The following TMEM117 variants were observed in gnomAD, a reference collection of about 807,000 sequenced individuals.
TMEM117 encodes the protein transmembrane protein 117.
TMEM117 carries 27 observed loss-of-function variants against 52.4 expected under a neutral mutation model. That is an observed-to-expected ratio of 0.51 (90% confidence interval 0.38 to 0.71). TMEM117 has a LOEUF of 0.71. Among genes scored for constraint, TMEM117 ranks in the 30% least tolerant of loss-of-function variants. The pLI is 0.00. For missense variants in TMEM117, 556 were observed against 630.5 expected (o/e 0.88, Z 1.26); for synonymous variants, 215 against 206.3 (o/e 1.04, Z -0.36).
At chr12:44,343,317 A>G (rs1425707937) in intron 6 of TMEM117, among the ~76,000 whole-genome samples, 1 of 151,952 alleles carries the variant, frequency 6.6e-6, no homozygotes, top group African/African-American at 2.4e-5. Flanking sequence ...AACAGATCCA[A>G]CTCTCCCTTT....
intron 6 of TMEM117, among the ~76,000 whole-genome samples, chr12:44,359,845 C>T (rs1243941270): frequency 6.6e-6 from 1 of 152,074 alleles, no homozygotes; most frequent in East Asian, 1.9e-4. Flanking sequence ...TTACAAGTTT[C>T]CAAGGCAGCT....
chr12:43,853,633 A>G (rs1483102216), intron 2 of TMEM117, among the ~76,000 whole-genome samples: 14 of 152,366 alleles, frequency 9.2e-5, no homozygotes, highest in African/African-American at 3.1e-4. Flanking sequence ...TTTATAAAAA[A>G]TAAGACATGG....
chr12:43,811,495 T>C, the TMEM117 span, among the ~76,000 whole-genome samples: 1 of 152,244 alleles, frequency 6.6e-6, no homozygotes, highest in African/African-American at 2.4e-5. Flanking sequence ...ATAACTTCCA[T>C]TCTGTTTAAG....
At chr12:43,806,420 C>T in the TMEM117 span, 48 of 1,144,128 alleles carry the variant, frequency 4.2e-5, no homozygotes, top group African/African-American at 7.3e-4. Flanking sequence ...GCCCCGCCGC[C>T]CTTCCTGGCC....
chr12:44,209,769 A>G (rs1949620829), intron 4 of TMEM117, among the ~76,000 whole-genome samples: 1 of 152,138 alleles, frequency 6.6e-6, no homozygotes, highest in Admixed American at 6.6e-5. Context: ...AATATGAAGA[A>G]TTAAAATCAG....
At chr12:43,834,807 G>A (rs1368774673), upstream of TMEM117, among the ~76,000 whole-genome samples, 3 of 152,098 alleles carry the variant, frequency 2.0e-5, no homozygotes, top group Non-Finnish European at 4.4e-5. Flanking sequence ...TATATACGTG[G>A]TCATTTTTGG....
At chr12:44,143,100 C>T (rs771754124) in intron 3 of TMEM117, among the ~76,000 whole-genome samples, 5 of 152,088 alleles carry the variant, frequency 3.3e-5, no homozygotes, top group African/African-American at 4.8e-5. Flanking sequence ...AAAGCCTAAT[C>T]CCAGCATTTT....
chr12:43,833,802 A>AC (rs895227820), upstream of TMEM117, among the ~76,000 whole-genome samples: 1 of 150,260 alleles, frequency 6.7e-6, no homozygotes, highest in African/African-American at 2.5e-5. Context: ...AAAAAAGAAA[A>AC]AAAAAATAGG....
intron 2 of TMEM117, among the ~76,000 whole-genome samples, chr12:43,917,031 A>G (rs777700686): frequency 2.6e-5 from 4 of 152,092 alleles, no homozygotes; most frequent in Admixed American, 6.6e-5. Context: ...CGGCCTCCCT[A>G]TGCCCAGTTT....
At chr12:43,875,553 T>C (rs1943781204) in intron 2 of TMEM117, among the ~76,000 whole-genome samples, 1 of 152,230 alleles carries the variant, frequency 6.6e-6, no homozygotes, top group Admixed American at 6.5e-5. Flanking sequence ...TGCAGGACTG[T>C]GTCCAATAAA....
intron 3 of TMEM117, among the ~76,000 whole-genome samples, chr12:44,005,926 C>T (rs939357477): frequency 1.6e-4 from 24 of 152,318 alleles, no homozygotes; most frequent in South Asian, 4.1e-4. Flanking sequence ...TGGCTTTCTC[C>T]TCCTTACCTT....
rs1945094351 is a variant in TMEM117, at chr12:43,944,341, G to A, written c.409G>A (p.Gly137Arg). Residue 137 changes from glycine to arginine, a missense_variant and splice_region_variant, in exon 3 of 8, where the codon GGA (glycine) becomes AGA (arginine). Gly to Arg is a moderately radical substitution (Grantham distance 125). This residue lies in a region of TMEM117 where 328 missense variants were observed against 371.4 expected (regional missense o/e 0.88). Transcript: ENST00000266534. ...GATTCTTCTAATGGATGGGAACATGGGGTAGGTTTTCTTTCCCCTTTCTAC... is the reference window on the plus strand; with the variant it reads ...GATTCTTCTAATGGATGGGAACATGAGGTAGGTTTTCTTTCCCCTTTCTAC... ...NTILLMDGNM[G>R]AYIITDYMGI... 1 of 1,609,944 alleles carries A rather than the reference G, an allele frequency of 6.2e-7. No homozygotes were observed.
intron 3 of TMEM117, among the ~76,000 whole-genome samples, chr12:44,119,192 T>A (rs73288052): frequency 0.11 from 16,831 of 152,258 alleles, 2,506 homozygotes; most frequent in African/African-American, 0.34. Context: ...TCTGGTTGTG[T>A]TAATCACCAA....
At chr12:44,037,521 T>G (rs1237618138) in intron 3 of TMEM117, among the ~76,000 whole-genome samples, 1 of 152,136 alleles carries the variant, frequency 6.6e-6, no homozygotes, top group Non-Finnish European at 1.5e-5. Context: ...GATAGGCTCC[T>G]AGGCAGAAAG....
intron 3 of TMEM117, among the ~76,000 whole-genome samples, chr12:44,078,022 G>T (rs1391480990): frequency 1.3e-5 from 2 of 151,666 alleles, no homozygotes; most frequent in African/African-American, 4.8e-5. Flanking sequence ...TAACTCAAAA[G>T]AAATGCAAAA....
At chr12:44,136,689 A>C (rs974673607) in intron 3 of TMEM117, among the ~76,000 whole-genome samples, 31 of 152,140 alleles carry the variant, frequency 2.0e-4, no homozygotes, top group African/African-American at 7.2e-4. Flanking sequence ...ATACTTTAAT[A>C]TGATTAAGTA....
intron 4 of TMEM117, among the ~76,000 whole-genome samples, chr12:44,203,664 G>C (rs1291265866): frequency 6.6e-6 from 1 of 152,062 alleles, no homozygotes; most frequent in African/African-American, 2.4e-5. Context: ...GTCTTCATTT[G>C]TTTCATAGAA....
At chr12:43,927,958 G>C (rs1338246472) in intron 2 of TMEM117, among the ~76,000 whole-genome samples, 2 of 151,698 alleles carry the variant, frequency 1.3e-5, no homozygotes, top group Non-Finnish European at 2.9e-5. Flanking sequence ...TGTTAGCACA[G>C]CTTTTCCTTC....
At chr12:43,935,146 C>T (rs987458122) in intron 2 of TMEM117, among the ~76,000 whole-genome samples, 12 of 152,126 alleles carry the variant, frequency 7.9e-5, no homozygotes, top group South Asian at 6.2e-4. Context: ...GTAGCTGGGA[C>T]TACAGGTGCT....
Sources: allele counts gnomAD v4.1 joint callset (sites outside exome capture counted in the v4.1 genomes callset), GRCh38; gene constraint gnomAD v4.1.1; regional missense constraint gnomAD v4.1.1; transcripts MANE v1.5; gene names NCBI Gene and HGNC (gene_info 2026-07-23, HGNC 2026-07-21).